Variants in FHIT observed in about 807,000 individuals in gnomAD.
The protein encoded by FHIT is fragile histidine triad diadenosine triphosphatase.
In FHIT, 19 loss-of-function variants were observed where a neutral mutation model predicts 17.9. That is an observed-to-expected ratio of 1.06 (90% CI 0.74 to 1.56). The LOEUF is 1.56. FHIT is among the 40% of genes most tolerant of loss of function. FHIT has a pLI of 0.00. For synonymous variants in FHIT, 81 were observed against 69.7 expected (o/e 1.16, Z -0.81); for missense variants, 248 against 189.2 (o/e 1.31, Z -1.82).
chr3:60,824,616 C>G (rs1206913407), intron 3 of FHIT, among the ~76,000 whole-genome samples: 1 of 152,228 alleles, frequency 6.6e-6, no homozygotes, highest in East Asian at 1.9e-4. Flanking sequence ...GTGTCCCCAC[C>G]CAAGTCTCAC....
chr3:59,936,324 G>A (rs1209357470), intron 7 of FHIT, among the ~76,000 whole-genome samples: 1 of 152,104 alleles, frequency 6.6e-6, no homozygotes, highest in Non-Finnish European at 1.5e-5. Flanking sequence ...GATTCCCTCT[G>A]GGTGCCTTTC....
At chr3:60,418,598 G>A (rs1274297936) in intron 5 of FHIT, among the ~76,000 whole-genome samples, 2 of 140,486 alleles carry the variant, frequency 1.4e-5, no homozygotes, top group African/African-American at 5.3e-5. Flanking sequence ...AGCAGAGCTG[G>A]CAGCAGACAT....
At chr3:60,070,807 G>A (rs1307309691) in intron 5 of FHIT, among the ~76,000 whole-genome samples, 1 of 152,142 alleles carries the variant, frequency 6.6e-6, no homozygotes, top group Non-Finnish European at 1.5e-5. Flanking sequence ...ACGCCTTTTA[G>A]GTAAATTCCT....
intron 8 of FHIT, among the ~76,000 whole-genome samples, chr3:59,885,644 T>C (rs949880605): frequency 2.0e-5 from 3 of 152,140 alleles, no homozygotes; most frequent in Admixed American, 2.0e-4. Context: ...CTCTGCTACT[T>C]TGAATGCTGC....
chr3:61,113,748 T>G (rs1009143393), intron 2 of FHIT, among the ~76,000 whole-genome samples: 1 of 152,116 alleles, frequency 6.6e-6, no homozygotes. Context: ...GCCTCTAACA[T>G]AACACATGAT....
At chr3:59,934,704 A>C (rs527896942) in intron 7 of FHIT, among the ~76,000 whole-genome samples, 3 of 152,202 alleles carry the variant, frequency 2.0e-5, no homozygotes, top group African/African-American at 7.2e-5. Flanking sequence ...AGGGGAAGCA[A>C]ACATATCCTT....
intron 5 of FHIT, among the ~76,000 whole-genome samples, chr3:60,481,543 T>G (rs1363730461): frequency 6.6e-6 from 1 of 152,118 alleles, no homozygotes; most frequent in Non-Finnish European, 1.5e-5. Context: ...AGAGAAGAAT[T>G]TTCAACCCAG....
intron 1 of FHIT, among the ~76,000 whole-genome samples, chr3:61,226,294 G>A (rs955075135): frequency 3.9e-5 from 6 of 152,136 alleles, no homozygotes; most frequent in African/African-American, 1.4e-4. Context: ...CCAAGCCTTT[G>A]CATTTGGAGA....
intron 3 of FHIT, among the ~76,000 whole-genome samples, chr3:60,900,847 A>C (rs1706079435): frequency 6.6e-6 from 1 of 152,010 alleles, no homozygotes; most frequent in South Asian, 2.1e-4. Context: ...GTGCGATCTC[A>C]GCTCACCACA....
chr3:60,855,828 G>T (rs529872119), intron 3 of FHIT, among the ~76,000 whole-genome samples: 3 of 152,112 alleles, frequency 2.0e-5, no homozygotes, highest in Admixed American at 6.6e-5. Flanking sequence ...CAGCCCTAAG[G>T]AACTCTTAAT....
chr3:59,947,100 T>C (rs1706847089), intron 7 of FHIT, among the ~76,000 whole-genome samples: 1 of 152,224 alleles, frequency 6.6e-6, no homozygotes, highest in African/African-American at 2.4e-5. Context: ...CCAGCTCCTC[T>C]TTATATGTCT....
chr3:59,940,132 C>T (rs1381479394), intron 7 of FHIT, among the ~76,000 whole-genome samples: 1 of 152,140 alleles, frequency 6.6e-6, no homozygotes, highest in Non-Finnish European at 1.5e-5. Context: ...AAAATGAACC[C>T]ATCTCAGAGG....
intron 8 of FHIT, among the ~76,000 whole-genome samples, chr3:59,754,704 A>T (rs1701112302): frequency 6.6e-6 from 1 of 152,194 alleles, no homozygotes; most frequent in Non-Finnish European, 1.5e-5. Context: ...ACCGTCTGTT[A>T]TTGTCATATG....
intron 3 of FHIT, among the ~76,000 whole-genome samples, chr3:60,844,753 C>A (rs1199984652): frequency 6.6e-6 from 1 of 152,090 alleles, no homozygotes; most frequent in Non-Finnish European, 1.5e-5. Flanking sequence ...CAAATCAGGA[C>A]AAGAACTAGA....
intron 4 of FHIT, chr3:60,732,704 T>TTTTTTTC (rs1260456958): frequency 9.5e-5 from 32 of 338,304 alleles, no homozygotes; most frequent in Non-Finnish European, 1.5e-4. Context: ...TTTTTTTTTT[T>TTTTTTTC]TTGACAAAGT....
At position 59,897,032 on chromosome 3, in the gene FHIT, T is replaced by C. The variant is rs568209763; in HGVS notation, c.348+25314A>G. Among the ~76,000 whole-genome samples, 17 of 152,246 alleles carry C rather than the reference T, an allele frequency of 1.1e-4. No homozygotes were observed. In the South Asian group the frequency reaches 3.3e-3, roughly 30 times the overall value. On this transcript the variant is annotated intron_variant, in intron 8 of 9. Transcript: ENST00000492590. ...CTGAATTAGCACATGCAGTTCCTCT[T>C]GGTCTGCCTCCCACCCACCTTTCCA...
At chr3:61,011,045 T>C (rs2031760751) in intron 3 of FHIT, among the ~76,000 whole-genome samples, 1 of 152,224 alleles carries the variant, frequency 6.6e-6, no homozygotes, top group Admixed American at 6.5e-5. Context: ...ACTTCGAATG[T>C]TTCCTTTCTT....
chr3:60,476,189 G>T (rs1425226000), intron 5 of FHIT, among the ~76,000 whole-genome samples: 2 of 152,206 alleles, frequency 1.3e-5, no homozygotes, highest in African/African-American at 4.8e-5. Flanking sequence ...CTGAGCCTCA[G>T]TGTCCCTGAG....
chr3:60,239,496 T>C (rs1705013415), intron 5 of FHIT, among the ~76,000 whole-genome samples: 1 of 152,118 alleles, frequency 6.6e-6, no homozygotes. Flanking sequence ...GCCCAGGAGC[T>C]CAAGGCTGCA....
Sources: allele counts gnomAD v4.1 joint callset (sites outside exome capture counted in the v4.1 genomes callset), GRCh38; gene constraint gnomAD v4.1.1; transcripts MANE v1.5; gene names NCBI Gene and HGNC (gene_info 2026-07-23, HGNC 2026-07-21).